WWOX: variants seen among roughly 807,000 people sequenced by gnomAD.
WWOX encodes WW domain-containing oxidoreductase.
In WWOX, 69 loss-of-function variants were observed where a neutral mutation model predicts 46.2. The ratio of observed to expected loss-of-function variants is 1.49; its 90% CI spans 1.23 to 1.82. WWOX has a LOEUF of 1.82. WWOX is among the 40% of genes most tolerant of loss of function. The pLI, the probability that WWOX is intolerant of heterozygous loss-of-function variation, is 0.00. For missense variants in WWOX, 919 were observed against 542.6 expected, an observed-to-expected ratio of 1.69 and a Z score of -6.89; for synonymous variants, 359 against 202.6, an observed-to-expected ratio of 1.77 and a Z score of -6.56.
chr16:78,815,478 C>T (rs7404312), intron 8 of WWOX, among the ~76,000 whole-genome samples: 76,306 of 152,052 alleles, frequency 0.5, 19,218 homozygotes, highest in Middle Eastern at 0.59. Flanking sequence ...CTAAACACTT[C>T]TTACGTTACC....
intron 8 of WWOX, among the ~76,000 whole-genome samples, chr16:78,652,631 A>G (rs67478082): frequency 6.6e-6 from 1 of 152,112 alleles, no homozygotes; most frequent in Non-Finnish European, 1.5e-5. Context: ...TCATTAGCAC[A>G]CAGCCAAGAT....
intron 8 of WWOX, among the ~76,000 whole-genome samples, chr16:79,145,566 G>C (rs1383819600): frequency 1.3e-5 from 2 of 152,052 alleles, no homozygotes; most frequent in African/African-American, 4.8e-5. Context: ...AACTAGACAA[G>C]AATATTCATG....
At chr16:78,147,695 TTAAA>T (rs1325846541) in intron 4 of WWOX, among the ~76,000 whole-genome samples, 1 of 107,932 alleles carries the variant, frequency 9.3e-6, no homozygotes, top group African/African-American at 3.4e-5. Context: ...TTTTTTTTTT[TTAAA>T]AAAAAAAAAG....
intron 8 of WWOX, among the ~76,000 whole-genome samples, chr16:79,059,008 T>C (rs2048314168): frequency 1.3e-5 from 2 of 152,234 alleles, no homozygotes; most frequent in South Asian, 4.1e-4. Context: ...TACAGATTTA[T>C]GGCTTCTTGT....
intron 8 of WWOX, among the ~76,000 whole-genome samples, chr16:78,810,596 T>C (rs143004534): frequency 7.7e-4 from 117 of 152,358 alleles, no homozygotes; most frequent in African/African-American, 2.7e-3. Flanking sequence ...TGACAAATTC[T>C]GCAGTGCTGG....
At chr16:78,899,900 T>C (rs535058509) in intron 8 of WWOX, among the ~76,000 whole-genome samples, 5 of 152,020 alleles carry the variant, frequency 3.3e-5, no homozygotes, top group Non-Finnish European at 5.9e-5. Flanking sequence ...TGTTCCTCTC[T>C]GTCAGGACAT....
chr16:78,926,462 C>T (rs1018484700), intron 8 of WWOX, among the ~76,000 whole-genome samples: 1 of 151,964 alleles, frequency 6.6e-6, no homozygotes, highest in Non-Finnish European at 1.5e-5. Context: ...TACTGAAATT[C>T]TGAGTTTGTG....
chr16:78,408,027 G>C (rs982405152), intron 6 of WWOX, among the ~76,000 whole-genome samples: 12 of 152,258 alleles, frequency 7.9e-5, no homozygotes, highest in African/African-American at 2.9e-4. Flanking sequence ...GTGCCTTAAT[G>C]GGTACTTAAA....
intron 8 of WWOX, among the ~76,000 whole-genome samples, chr16:79,061,745 G>A (rs1023151957): frequency 2.0e-5 from 3 of 152,164 alleles, no homozygotes; most frequent in South Asian, 2.1e-4. Context: ...TCTTAGAGTC[G>A]TTAAGGTTTT....
At chr16:78,512,188 T>C (rs1352446169) in intron 8 of WWOX, among the ~76,000 whole-genome samples, 1 of 152,154 alleles carries the variant, frequency 6.6e-6, no homozygotes, top group African/African-American at 2.4e-5. Context: ...AATGGTGTAT[T>C]ACAGAAAAGG....
intron 5 of WWOX, among the ~76,000 whole-genome samples, chr16:78,198,479 A>G (rs977822641): frequency 5.3e-5 from 8 of 152,152 alleles, no homozygotes; most frequent in East Asian, 1.9e-4. Context: ...TGTTCCTTCA[A>G]TAAATACTGA....
intron 8 of WWOX, among the ~76,000 whole-genome samples, chr16:78,452,867 T>TTTTATATATATATATATATATATA (rs1479183425): frequency 1.6e-5 from 2 of 127,638 alleles, no homozygotes; most frequent in African/African-American, 7.3e-5. Flanking sequence ...AGTGAGCTAT[T>TTTTATATATATATATATATATATA]TATATATATA....
At chr16:78,195,694 C>T (rs954808755) in intron 5 of WWOX, among the ~76,000 whole-genome samples, 2 of 151,644 alleles carry the variant, frequency 1.3e-5, no homozygotes, top group African/African-American at 2.4e-5. Flanking sequence ...TGGTGCTGGG[C>T]ATCTGTAATC....
chr16:79,037,704 C>G (rs2047894971), intron 8 of WWOX, among the ~76,000 whole-genome samples: 1 of 152,140 alleles, frequency 6.6e-6, no homozygotes, highest in South Asian at 2.1e-4. Context: ...AATCGCAAGC[C>G]AGGTAAATAT....
intron 8 of WWOX, among the ~76,000 whole-genome samples, chr16:79,069,653 A>G (rs756387256): frequency 6.6e-6 from 1 of 152,156 alleles, no homozygotes; most frequent in African/African-American, 2.4e-5. Flanking sequence ...ACTGAAAAAA[A>G]ATAAAGAAAA....
At chr16:79,092,483 C>T (rs2048982536) in intron 8 of WWOX, among the ~76,000 whole-genome samples, 1 of 152,174 alleles carries the variant, frequency 6.6e-6, no homozygotes. Context: ...ACCAGGCTGA[C>T]CCTATACATC....
rs191695961 is a variant in WWOX, at chr16:78,699,813, C to A, written c.1056+267061C>A. On this transcript the variant is annotated intron_variant, in intron 8 of 8. Coordinates refer to ENST00000566780, the MANE Select transcript of WWOX (RefSeq NM_016373.4). Reference sequence around the variant, plus strand: ...TTAAACTTCATGGAATTTATGCATTCTTGTTAATTTATATCCATGTAATAT... The same window carrying A: ...TTAAACTTCATGGAATTTATGCATTATTGTTAATTTATATCCATGTAATAT... Among the ~76,000 whole-genome samples, 39 of 152,234 alleles carry A rather than the reference C, an allele frequency of 2.6e-4. 1 individual carries two copies. Among genetic ancestry groups the A allele is most frequent in the Non-Finnish European group, 4.6e-4 (31 of 68,010 alleles).
intron 8 of WWOX, among the ~76,000 whole-genome samples, chr16:78,473,758 T>C (rs533584830): frequency 6.6e-6 from 1 of 152,270 alleles, no homozygotes; most frequent in African/African-American, 2.4e-5. Flanking sequence ...CTGTCAGGTG[T>C]TAGCTGAAGA....
chr16:78,414,063 C>T (rs1244218592), intron 6 of WWOX, among the ~76,000 whole-genome samples: 1 of 152,078 alleles, frequency 6.6e-6, no homozygotes, highest in African/African-American at 2.4e-5. Context: ...CCTAACTGAT[C>T]AGTTGACCTT....
Sources: gnomAD v4.1 joint callset for allele counts (sites outside exome capture counted in the v4.1 genomes callset) on GRCh38, gnomAD v4.1.1 for gene constraint, MANE v1.5 for transcripts, NCBI Gene and HGNC (gene_info 2026-07-23, HGNC 2026-07-21) for gene names.